The following PDE10A variants were observed in gnomAD, a reference collection of about 807,000 sequenced individuals.
PDE10A encodes the protein phosphodiesterase 10A, also known as cAMP and cAMP-inhibited cGMP 3',5'-cyclic phosphodiesterase 10A.
Under a neutral mutation model 97.7 loss-of-function variants are expected in PDE10A, and 39 were observed. The observed-to-expected ratio is 0.40, with a 90% confidence interval of 0.31 to 0.52. PDE10A has a LOEUF of 0.52. Among genes scored for constraint, PDE10A ranks in the 20% least tolerant of loss-of-function variants. The pLI is 0.56. For missense variants in PDE10A, 731 were observed against 1,047.8 expected, an observed-to-expected ratio of 0.70 and a Z score of 4.17; for synonymous variants, 371 against 376.8, an observed-to-expected ratio of 0.98 and a Z score of 0.18.
intron 1 of PDE10A, among the ~76,000 whole-genome samples, chr6:165,754,727 A>G (rs1361902255): frequency 6.6e-6 from 1 of 152,212 alleles, no homozygotes; most frequent in East Asian, 1.9e-4. Context: ...TAACCTCCTA[A>G]AGCTTCAGTC....
At chr6:165,931,211 C>T (rs949507039) in intron 1 of PDE10A, among the ~76,000 whole-genome samples, 1 of 152,228 alleles carries the variant, frequency 6.6e-6, no homozygotes, top group Non-Finnish European at 1.5e-5. Context: ...AGGGAAGCAG[C>T]TCTGACTGGC....
chr6:165,896,368 T>C (rs1583249858), intron 1 of PDE10A, among the ~76,000 whole-genome samples: 1 of 151,896 alleles, frequency 6.6e-6, no homozygotes, highest in East Asian at 1.9e-4. Flanking sequence ...TTTTTTTTTT[T>C]TTGGAGATAG....
intron 1 of PDE10A, among the ~76,000 whole-genome samples, chr6:165,725,243 A>T (rs4709974): frequency 6.6e-6 from 1 of 152,032 alleles, no homozygotes; most frequent in African/African-American, 2.4e-5. Context: ...GCAGAAACCC[A>T]GAATACAGAA....
rs745796476 is a variant in PDE10A, at chr6:165,388,461, AAAT to A, written c.2455-11_2455-9del. 4.0e-5 allele frequency: 64 copies of A among 1,613,554 alleles called. No individual in the cohort carries two copies. Among genetic ancestry groups the A allele is most frequent in the Admixed American group, 6.7e-5 (4 of 60,008 alleles). On this transcript the variant is annotated splice_polypyrimidine_tract_variant and intron_variant, in intron 16 of 21. Coordinates refer to ENST00000539869, the MANE Select transcript of PDE10A (RefSeq NM_001385079.1). This position sits in a 1 kb window ranked among gnomAD's most constrained non-coding sequence, Gnocchi z 4.0. ...AATCAGCAGTCCTTTGCGCTTTAAA[AAAT>A]AATATGATGCAGAGATGCTCAAAAC...
intron 1 of PDE10A, among the ~76,000 whole-genome samples, chr6:165,849,090 CATTTTG>C (rs1294314598): frequency 6.6e-6 from 1 of 152,200 alleles, no homozygotes; most frequent in Non-Finnish European, 1.5e-5. Context: ...ATGAAAAACA[CATTTTG>C]ATTTTAACTC....
At chr6:165,451,175 T>G (rs1224886393) in intron 3 of PDE10A, among the ~76,000 whole-genome samples, 1 of 152,156 alleles carries the variant, frequency 6.6e-6, no homozygotes, top group African/African-American at 2.4e-5. Context: ...GCGCTTGCAC[T>G]GCAGCCACTG....
At chr6:165,656,216 C>A (rs1203492531) in intron 1 of PDE10A, among the ~76,000 whole-genome samples, 1 of 149,334 alleles carries the variant, frequency 6.7e-6, no homozygotes, top group African/African-American at 2.5e-5. Flanking sequence ...GGGCATGGAA[C>A]TACTCCCATT....
At chr6:165,776,116 AAACT>A (rs1385097426) in intron 1 of PDE10A, among the ~76,000 whole-genome samples, 1 of 152,264 alleles carries the variant, frequency 6.6e-6, no homozygotes, top group Non-Finnish European at 1.5e-5. Flanking sequence ...AAAAATAGCC[AAACT>A]GTTTCTTCAC....
rs548426387 is a variant in PDE10A at position 165,671,920 on chromosome 6, G to A, written c.-614-128352C>T. On this transcript the variant is annotated intron_variant, in intron 1 of 19. Coordinates refer to the PDE10A transcript ENST00000366882. The surrounding 1 kb of genome is among the most constrained non-coding windows in gnomAD (Gnocchi z 4.6). ...ACATTAAATATCTCTATTTTATAGC[G>A]AAGTTATTAATATATGCCATGAAAC... Among the ~76,000 whole-genome samples the A allele has an allele frequency of 2.0e-4, 30 of 152,274 alleles. No individual in the cohort carries two copies. In the East Asian group the frequency reaches 3.1e-3, roughly 16 times the overall value.
Position 165,413,696 on chromosome 6 carries a change from T to C in PDE10A, c.1890-9A>G. Reference sequence around the variant, plus strand: ...TGTACAAGTCTACTTCTCTGTGGGGTGACAGAACCAAAAATAACAACAACA... The same window carrying C: ...TGTACAAGTCTACTTCTCTGTGGGGCGACAGAACCAAAAATAACAACAACA... On this transcript the variant is annotated splice_polypyrimidine_tract_variant and intron_variant, in intron 12 of 21. Coordinates refer to ENST00000539869, the MANE Select transcript of PDE10A (RefSeq NM_001385079.1). The C allele has an allele frequency of 6.2e-7, 1 of 1,602,040 alleles. No homozygotes were observed. The highest frequency in any genetic ancestry group is 8.5e-7 in the Non-Finnish European group (1 of 1,172,568).
intron 1 of PDE10A, among the ~76,000 whole-genome samples, chr6:165,566,417 A>C (rs1784781808): frequency 1.3e-5 from 2 of 152,334 alleles, no homozygotes; most frequent in South Asian, 4.1e-4. Flanking sequence ...AACACTGACA[A>C]CACCAAATGC....
chr6:165,722,504 A>G (rs111659795), intron 1 of PDE10A, among the ~76,000 whole-genome samples: 1,595 of 152,330 alleles, frequency 0.01, 31 homozygotes, highest in African/African-American at 0.037. Flanking sequence ...ATCTAGTTTA[A>G]TTTATAAATA....
chr6:165,632,200 C>CAA (rs71552885), intron 1 of PDE10A, among the ~76,000 whole-genome samples: 11,926 of 66,962 alleles, frequency 0.18, 1,741 homozygotes, highest in Non-Finnish European at 0.23. Context: ...GAGTCCATCT[C>CAA]AAAAAAAAAA....
Position 165,396,333 on chromosome 6 carries a change from A to G in PDE10A, c.2203T>C (p.Cys735Arg). Residue 735 changes from cysteine to arginine, a missense_variant, in exon 14 of 22, where the codon TGC becomes CGC. Cys to Arg is a radical substitution (Grantham distance 180). Around this residue, in one of 8 missense-constraint regions of PDE10A, gnomAD observed 131 missense variants for 187.4 expected, o/e 0.70. Coordinates refer to ENST00000539869, the MANE Select transcript of PDE10A (RefSeq NM_001385079.1). Reference sequence around the variant, plus strand: ...CATACTTACAATTCAATTTCTTTGCAGAGACGCACGGGAAGGGTGAATTGC... The same window carrying G: ...CATACTTACAATTCAATTTCTTTGCGGAGACGCACGGGAAGGGTGAATTGC... ...LMQFTLPVRL[C>R]KEIELFHFDI... The G allele has an allele frequency of 1.9e-6, 3 of 1,613,056 alleles. No individual in the cohort carries two copies. The highest frequency in any genetic ancestry group is 2.5e-6 in the Non-Finnish European group (3 of 1,179,436).
intron 1 of PDE10A, among the ~76,000 whole-genome samples, chr6:165,703,545 G>T (rs1791632450): frequency 6.6e-6 from 1 of 152,166 alleles, no homozygotes; most frequent in Non-Finnish European, 1.5e-5. Context: ...CCTCATAACT[G>T]AGTTCAAAAA....
chr6:165,653,398 T>C lies in PDE10A; in HGVS notation c.865+8549A>G, dbSNP rs192702294. ...CGGACCATGACGAAGCCTAGGAAGA[T>C]GCAGGGAAAAAGGGTTCCAGGGCAC... On this transcript the variant is annotated intron_variant, in intron 1 of 21. Transcript: ENST00000539869. Among the ~76,000 whole-genome samples the C allele has an allele frequency of 2.0e-3, 301 of 152,194 alleles. 3 individuals are homozygous for C. Among genetic ancestry groups the C allele is most frequent in the East Asian group, 0.013 (67 of 5,152 alleles).
intron 2 of PDE10A, among the ~76,000 whole-genome samples, chr6:165,494,039 T>C (rs940833854): frequency 6.7e-6 from 1 of 150,238 alleles, no homozygotes; most frequent in Non-Finnish European, 1.5e-5. Context: ...AAAGAAGATA[T>C]ACAAATGGCC....
intron 1 of PDE10A, among the ~76,000 whole-genome samples, chr6:165,935,618 G>A (rs983912478): frequency 5.9e-5 from 9 of 152,200 alleles, no homozygotes; most frequent in African/African-American, 1.9e-4. Flanking sequence ...CATTCACTGG[G>A]AGAACAAAAG....
intron 1 of PDE10A, among the ~76,000 whole-genome samples, chr6:165,971,851 A>G (rs1040763135): frequency 6.6e-6 from 1 of 152,004 alleles, no homozygotes; most frequent in Non-Finnish European, 1.5e-5. Context: ...TATTATTTTT[A>G]CCTCTGTACC....
Sources: allele counts gnomAD v4.1 joint callset (sites outside exome capture counted in the v4.1 genomes callset), GRCh38; gene constraint gnomAD v4.1.1; regional missense constraint gnomAD v4.1.1; non-coding constraint Gnocchi (gnomAD v3.1); transcripts MANE v1.5; gene names NCBI Gene and HGNC (gene_info 2026-07-23, HGNC 2026-07-21).